Variants in GGA1 observed in about 807,000 individuals in gnomAD.
GGA1 encodes the protein golgi associated, gamma adaptin ear containing, ARF binding protein 1.
In GGA1, 18 loss-of-function variants were observed where a neutral mutation model predicts 76.9. The observed-to-expected ratio is 0.23, with a 90% CI of 0.16 to 0.35. The LOEUF (loss-of-function observed/expected upper bound fraction) is 0.35. Among genes scored for constraint, GGA1 ranks in the 10% least tolerant of loss-of-function variants. The probability of loss-of-function intolerance (pLI) is 1.00; values close to 1 mark genes in which losing one functional copy is unlikely to be tolerated. For synonymous variants in GGA1, 342 were observed against 354.7 expected, an observed-to-expected ratio of 0.96 and a Z score of 0.40; for missense variants, 755 against 859.0, an observed-to-expected ratio of 0.88 and a Z score of 1.51.
rs754567285 is a variant in GGA1, at chr22:37,624,948, C to T, written c.833-21C>T. On this transcript the variant is annotated intron_variant, in intron 9 of 16. Coordinates refer to ENST00000343632, the MANE Select transcript of GGA1 (RefSeq NM_013365.5). This position sits in a 1 kb window ranked among gnomAD's most constrained non-coding sequence, Gnocchi z 4.3. ...CCCCCACAGTCCTTCAGCCTGGCCTCTCCCCTCCTGCCTGTTCCAGCGGAG... is the reference window on the plus strand; with the variant it reads ...CCCCCACAGTCCTTCAGCCTGGCCTTTCCCCTCCTGCCTGTTCCAGCGGAG... The T allele has an allele frequency of 3.6e-5, 56 of 1,561,244 alleles. No homozygotes were observed. The South Asian group carries it at 5.5e-4, about 15-fold the overall frequency.
chr22:37,612,905 C>T (rs2145882649), intron 1 of GGA1: 1 of 984,966 alleles, frequency 1.0e-6, no homozygotes, highest in Non-Finnish European at 1.2e-6. Flanking sequence ...GTCGTGTTTA[C>T]ACCACTTCAT....
chr22:37,631,928 G>A (rs1292885094), intron 14 of GGA1, 68 bp from the exon 15 acceptor site: 4 of 1,409,370 alleles, frequency 2.8e-6, no homozygotes, highest in African/African-American at 1.4e-5. Context: ...CCAGCCGGGT[G>A]GGGGCTGGGG....
At chr22:37,612,443 G>C (rs1601497867) in intron 1 of GGA1, 1 of 145,512 alleles carries the variant, frequency 6.9e-6, no homozygotes, top group East Asian at 2.0e-4. Context: ...CTGCACTCCA[G>C]CCTGGGCGAT....
At chr22:37,614,477 A>T (rs934991394) in intron 2 of GGA1, among the ~76,000 whole-genome samples, 1 of 152,144 alleles carries the variant, frequency 6.6e-6, no homozygotes, top group Non-Finnish European at 1.5e-5. Flanking sequence ...AGGTAAAGAA[A>T]TCAAGGCTCA....
In GGA1 at chr22:37,608,892, A is replaced by G. The variant is rs2145850814; in HGVS notation, c.32A>G (p.Glu11Gly). The G allele has an allele frequency of 5.3e-6, 7 of 1,309,982 alleles. No individual in the cohort carries two copies. In the South Asian group the frequency reaches 1.3e-4, roughly 24 times the overall value. The allele number at this position is 1,309,982 out of a possible 1,614,324, so 81.1% of individuals were successfully genotyped here. A position where few individuals can be genotyped will look rare whatever the true frequency, so the allele number is the denominator to read the frequency against. Reference protein sequence around the residue: MEPAMEPETLEARINRATNPL... With the variant: MEPAMEPETLGARINRATNPL... Reference sequence around the variant, plus strand: ...CCCGCGATGGAGCCGGAGACTCTGGAGGCGCGAATCAGTGAGTGTCCGGGA... The same window carrying G: ...CCCGCGATGGAGCCGGAGACTCTGGGGGCGCGAATCAGTGAGTGTCCGGGA... Residue 11 changes from glutamate (E) to glycine (G), a missense_variant, in exon 1 of 17, where the codon GAG becomes GGG. By Grantham distance (98) the Glu-to-Gly change is moderately conservative (BLOSUM62 -2). Transcript: ENST00000343632.
intron 5 of GGA1, 68 bp from the exon 6 acceptor site, chr22:37,620,745 T>C (rs1929725018): frequency 3.1e-6 from 3 of 954,984 alleles, no homozygotes; most frequent in Non-Finnish European, 5.2e-6. Context: ...CCTGCCCCCA[T>C]CCCCATGTCA....
At chr22:37,614,479 C>A (rs538833449) in intron 2 of GGA1, among the ~76,000 whole-genome samples, 1 of 152,326 alleles carries the variant, frequency 6.6e-6, no homozygotes, top group Non-Finnish European at 1.5e-5. Flanking sequence ...GTAAAGAAAT[C>A]AAGGCTCAGA....
intron 13 of GGA1, chr22:37,630,531 C>G: frequency 2.3e-6 from 1 of 441,064 alleles, no homozygotes; most frequent in Non-Finnish European, 4.0e-6. Context: ...CACGTGCCAG[C>G]CTTTCCTGTG....
Position 37,630,139 on chromosome 22 carries a change from T to C in GGA1, c.1300T>C (p.Ser434Pro). 6.3e-7 allele frequency: 1 copy of C among 1,597,500 alleles called. No homozygotes were observed. Among genetic ancestry groups the C allele is most frequent in the South Asian group, 1.1e-5 (1 of 89,704 alleles). The change falls in exon 13 of 17, where the codon TCG becomes CCG. Residue 434 changes from serine to proline, a missense_variant. Transcript: ENST00000343632. Reference protein sequence around the residue: ...DLLGKTLLQQSLPPESQQVRW... With the variant: ...DLLGKTLLQQPLPPESQQVRW... ...CCTGGGGAAGACCCTCCTGCAGCAG[T>C]CGCTGCCCCCGGAATCCCAGCAAGT... is the stretch of plus-strand genomic sequence containing the variant.
intron 14 of GGA1, 44 bp from the exon 15 acceptor site, chr22:37,631,952 G>A (rs950787381): frequency 2.6e-6 from 4 of 1,548,262 alleles, no homozygotes; most frequent in Admixed American, 1.7e-5. Flanking sequence ...GAGCGGATGT[G>A]CTGCAGCTCA....
chr22:37,629,740 G>T (rs1329217958), intron 12 of GGA1, among the ~76,000 whole-genome samples: 1 of 152,210 alleles, frequency 6.6e-6, no homozygotes, highest in Non-Finnish European at 1.5e-5. Context: ...TGGGGCTGCA[G>T]CCCAGCCTTT....
chr22:37,629,279 G>T (rs1931371766), intron 11 of GGA1, among the ~76,000 whole-genome samples, 183 bp from the exon 12 acceptor site: 1 of 152,228 alleles, frequency 6.6e-6, no homozygotes, highest in African/African-American at 2.4e-5. Flanking sequence ...ACAAGGGGTT[G>T]CCGGGATCTT....
At chr22:37,626,078 T>C in intron 11 of GGA1, 129 bp downstream of exon 11, 1 of 619,230 alleles carries the variant, frequency 1.6e-6, no homozygotes, top group Middle Eastern at 4.9e-4. Context: ...GGATGAGCAT[T>C]AGGCCCACTT....
Position 37,632,467 on chromosome 22 carries a change from C to T in GGA1, c.1761C>T (p.Val587=). 6.2e-7 allele frequency: 1 copy of T among 1,614,014 alleles called. No individual in the cohort carries two copies. The highest frequency in any genetic ancestry group is 8.5e-7 in the Non-Finnish European group (1 of 1,179,892). Residue 587 remains valine (V), a synonymous_variant, in exon 16 of 17, where the codon GTC becomes GTT. Coordinates refer to ENST00000343632, the MANE Select transcript of GGA1 (RefSeq NM_013365.5). This position sits in a 1 kb window ranked among gnomAD's most constrained non-coding sequence, Gnocchi z 5.1. ...GTELPAFNPI[V]HPSAITQVLL... ...AGCTGCCAGCTTTTAACCCCATCGT[C>T]CACCCCTCAGCAATCACCCAGGTCC...
Position 37,620,836 on chromosome 22 carries a change from C to A in GGA1, c.451C>A (p.Leu151Ile), listed in dbSNP as rs1342961020. The A allele has an allele frequency of 1.2e-6, 2 of 1,610,388 alleles. No individual in the cohort carries two copies. The highest frequency in any genetic ancestry group is 1.7e-5 in the Admixed American group (1 of 60,012). The change falls in exon 6 of 17, where the codon CTT becomes ATT. Residue 151 changes from leucine (L) to isoleucine (I), a missense_variant. Leu to Ile is a conservative substitution (Grantham distance 5). Coordinates refer to ENST00000343632, the MANE Select transcript of GGA1 (RefSeq NM_013365.5). ...AGGGATTGTAAAGTCCGACCCCAAG[C>A]TTCCAGATGACACTACCTTTCCCCT... ...KQGIVKSDPKLPDDTTFPLPP... is the reference protein window; with the variant it reads ...KQGIVKSDPKIPDDTTFPLPP...
At position 37,613,063 on chromosome 22, in the gene GGA1, C is replaced by T. The variant is rs187632405; in HGVS notation, c.44-1127C>T. On this transcript the variant is annotated intron_variant, in intron 1 of 16. Transcript: ENST00000343632. ...GACATGAGTGGCTGGGATGCAGTGC[C>T]GTAGCAGGCTGGGGGACACAAAAGA... The T allele has an allele frequency of 2.6e-5, 26 of 985,314 alleles. No individual in the cohort carries two copies. The East Asian group carries it at 1.9e-3, about 73-fold the overall frequency. 61.0% of individuals were successfully genotyped at this position (985,314 alleles called of 1,614,324 possible).
intron 4 of GGA1, chr22:37,619,883 C>T: frequency 1.3e-6 from 1 of 749,542 alleles, no homozygotes; most frequent in South Asian, 1.4e-5. Flanking sequence ...CCAGTTCCAC[C>T]CTCACCCCTC....
At chr22:37,617,401 G>A (rs1929014370) in intron 3 of GGA1, 1 of 1,077,494 alleles carries the variant, frequency 9.3e-7, no homozygotes, top group Non-Finnish European at 1.1e-6. Flanking sequence ...CTTGGGCTCA[G>A]GCCTGAGGTT....
Position 37,614,229 on chromosome 22 carries a change from C to T in GGA1, c.83C>T (p.Ala28Val), listed in dbSNP as rs1290397398. 1.9e-6 allele frequency: 3 copies of T among 1,613,798 alleles called. No individual in the cohort carries two copies. Among genetic ancestry groups the T allele is most frequent in the Admixed American group, 1.7e-5 (1 of 60,018 alleles). Residue 28 changes from alanine to valine, a missense_variant, in exon 2 of 17, where the codon GCC (alanine) becomes GTC (valine). Physicochemically the swap from Ala to Val is moderately conservative, Grantham distance 64. Transcript: ENST00000343632. ...TNPLNKELDW[A>V]SINGFCEQLN... Reference sequence around the variant, plus strand: ...CCCCTGAACAAGGAGCTCGACTGGGCCAGCATCAACGGCTTCTGCGAGCAG... The same window carrying T: ...CCCCTGAACAAGGAGCTCGACTGGGTCAGCATCAACGGCTTCTGCGAGCAG...
Sources: gnomAD v4.1 joint callset for allele counts (sites outside exome capture counted in the v4.1 genomes callset) on GRCh38, gnomAD v4.1.1 for gene constraint, Gnocchi (gnomAD v3.1) non-coding constraint, MANE v1.5 for transcripts, NCBI Gene and HGNC (gene_info 2026-07-23, HGNC 2026-07-21) for gene names.